Variants in LPP observed in about 807,000 individuals in gnomAD.
LPP encodes the protein lipoma-preferred partner.
LPP carries 38 observed loss-of-function variants against 60.4 expected under a neutral mutation model. The ratio of observed to expected loss-of-function variants is 0.63; its 90% confidence interval spans 0.49 to 0.83. LPP has a LOEUF of 0.83. Ranked by LOEUF, LPP falls within the 40% of genes least tolerant of loss-of-function variation. LPP has a pLI of 0.00. For missense variants in LPP, 902 were observed against 783.6 expected, an observed-to-expected ratio of 1.15 and a Z score of -1.80; for synonymous variants, 328 against 290.8, an observed-to-expected ratio of 1.13 and a Z score of -1.30.
At chr3:188,196,743 C>A (rs1156254154) in intron 1 of LPP, among the ~76,000 whole-genome samples, 1 of 152,178 alleles carries the variant, frequency 6.6e-6, no homozygotes, top group African/African-American at 2.4e-5. Context: ...TGGAAAGAGG[C>A]AGGAAGTGGT....
intron 6 of LPP, among the ~76,000 whole-genome samples, chr3:188,532,665 T>C (rs6794466): frequency 0.48 from 72,772 of 152,130 alleles, 18,264 homozygotes; most frequent in East Asian, 0.92. Flanking sequence ...AACCTGTCCA[T>C]GTTACCAGTT....
intron 9 of LPP, among the ~76,000 whole-genome samples, chr3:188,781,775 C>T (rs113213075): frequency 2.0e-5 from 3 of 151,608 alleles, no homozygotes; most frequent in African/African-American, 7.3e-5. Context: ...GCCTGTAGTC[C>T]CAGCTACTCA....
intron 8 of LPP, among the ~76,000 whole-genome samples, chr3:188,750,253 C>T (rs2150309607): frequency 6.6e-6 from 1 of 152,240 alleles, no homozygotes. Context: ...TTGGAGGGAA[C>T]CAATTCAAAT....
intron 5 of LPP, among the ~76,000 whole-genome samples, chr3:188,524,152 C>T (rs1156793136): frequency 1.3e-5 from 2 of 152,138 alleles, no homozygotes; most frequent in Non-Finnish European, 1.5e-5. Context: ...TTGGGTCTTG[C>T]CATCTCTCGC....
At chr3:188,279,733 C>T (rs1741269445) in intron 2 of LPP, among the ~76,000 whole-genome samples, 1 of 152,192 alleles carries the variant, frequency 6.6e-6, no homozygotes, top group Non-Finnish European at 1.5e-5. Flanking sequence ...TGTGAGGAAA[C>T]ATTTAGTTGT....
rs146461652 is a variant in LPP at position 188,382,238 on chromosome 3, A to G, written c.-9-23874A>G. 3.3e-5 allele frequency among the ~76,000 whole-genome samples: 5 copies of G among 152,280 alleles called. No homozygotes were observed. The East Asian group carries it at 9.6e-4, about 29-fold the overall frequency. On this transcript the variant is annotated intron_variant, in intron 3 of 11. Transcript: ENST00000617246. The stretch of plus-strand genomic sequence containing the variant: ...TTGGTCTCAGAATTCTTGTAAGTCT[A>G]CTTTTGTCACTCAATTGTGTGAATT...
intron 2 of LPP, among the ~76,000 whole-genome samples, chr3:188,317,836 A>G (rs1406691249): frequency 6.6e-6 from 1 of 152,160 alleles, no homozygotes; most frequent in African/African-American, 2.4e-5. Flanking sequence ...GAGAAAAGAG[A>G]GAATCTCAGG....
chr3:188,413,937 G>A (rs191991422), intron 4 of LPP, among the ~76,000 whole-genome samples: 17 of 152,200 alleles, frequency 1.1e-4, no homozygotes, highest in African/African-American at 4.1e-4. Context: ...GATGATAAAT[G>A]TGAAAATGTT....
chr3:188,477,596 A>G (rs924677784), intron 4 of LPP, among the ~76,000 whole-genome samples: 6 of 152,078 alleles, frequency 3.9e-5, no homozygotes, highest in African/African-American at 9.7e-5. Context: ...GGTTTTTAAA[A>G]CCTTACTCAG....
At chr3:188,234,439 T>C (rs182511842) in intron 2 of LPP, among the ~76,000 whole-genome samples, 86 of 152,300 alleles carry the variant, frequency 5.6e-4, no homozygotes, top group African/African-American at 1.9e-3. Flanking sequence ...AATATCGCCA[T>C]GGGAGTGGAG....
Position 188,881,606 on chromosome 3 carries a change from G to C in LPP, c.*7127G>C. 1 of 219,890 alleles carries C rather than the reference G, an allele frequency of 4.5e-6. No individual in the cohort carries two copies. Among genetic ancestry groups the C allele is most frequent in the Non-Finnish European group, 9.1e-6 (1 of 109,516 alleles). 13.6% of individuals were successfully genotyped at this position (219,890 alleles called of 1,614,324 possible). On this transcript the variant is annotated 3_prime_UTR_variant, in exon 12 of 12. Transcript: ENST00000617246. ...GAAGGATAGAACTCCCATGTCTACA[G>C]ACAGTTCTGTTACTTTTTGTTCTGT...
intron 9 of LPP, among the ~76,000 whole-genome samples, chr3:188,777,538 T>G (rs535771975): frequency 6.6e-6 from 1 of 152,298 alleles, no homozygotes; most frequent in East Asian, 1.9e-4. Flanking sequence ...TGCACTGTCT[T>G]TGGAGATTGG....
chr3:188,836,436 A>G (rs754883326), intron 9 of LPP, among the ~76,000 whole-genome samples: 2 of 152,192 alleles, frequency 1.3e-5, no homozygotes, highest in South Asian at 2.1e-4. Context: ...AGCTTTGTCA[A>G]CTTTCCAATC....
At chr3:188,477,665 T>C (rs1047163254) in intron 4 of LPP, among the ~76,000 whole-genome samples, 3 of 152,204 alleles carry the variant, frequency 2.0e-5, no homozygotes, top group African/African-American at 7.2e-5. Context: ...TGTGCATATG[T>C]GTTATTTAAA....
In LPP at chr3:188,348,135, T is replaced by C. The variant is rs531304633; in HGVS notation, c.-10+6416T>C. 8.2e-4 allele frequency among the ~76,000 whole-genome samples: 125 copies of C among 152,112 alleles called. No individual in the cohort carries two copies. In the Middle Eastern group the frequency reaches 0.01, roughly 12 times the overall value. The stretch of plus-strand genomic sequence containing the variant: ...GTTGTCTGTAATAGAAACCATACCC[T>C]TTTTCTTTTCTTTCTTTCTTTTTTT... On this transcript the variant is annotated intron_variant, in intron 3 of 11. Coordinates refer to ENST00000617246, the MANE Select transcript of LPP (RefSeq NM_001375462.1).
intron 2 of LPP, among the ~76,000 whole-genome samples, chr3:188,228,916 A>T (rs1718833206): frequency 6.6e-6 from 1 of 152,196 alleles, no homozygotes; most frequent in African/African-American, 2.4e-5. Context: ...ATACATTATT[A>T]CAGTTGTCTT....
intron 9 of LPP, among the ~76,000 whole-genome samples, chr3:188,835,178 G>A (rs1214430321): frequency 6.6e-6 from 1 of 151,898 alleles, no homozygotes; most frequent in African/African-American, 2.4e-5. Context: ...ATAAGCTATG[G>A]CCAGGCGCGG....
At chr3:188,294,635 A>G (rs1397117141) in intron 2 of LPP, among the ~76,000 whole-genome samples, 1 of 152,250 alleles carries the variant, frequency 6.6e-6, no homozygotes, top group Non-Finnish European at 1.5e-5. Context: ...GAGATATCTG[A>G]TAAGAAATAA....
intron 4 of LPP, among the ~76,000 whole-genome samples, chr3:188,434,660 C>T (rs185322226): frequency 6.6e-6 from 1 of 152,290 alleles, no homozygotes; most frequent in East Asian, 1.9e-4. Context: ...TGAGGCAATT[C>T]CCCCTGGACT....
Sources: gnomAD v4.1 joint callset for allele counts (sites outside exome capture counted in the v4.1 genomes callset) on GRCh38, gnomAD v4.1.1 for gene constraint, MANE v1.5 for transcripts, NCBI Gene and HGNC (gene_info 2026-07-23, HGNC 2026-07-21) for gene names.